Variants in RAMP1 observed in about 807,000 individuals in gnomAD.
RAMP1 encodes the protein receptor activity-modifying protein 1.
In RAMP1, 7 loss-of-function variants were observed where a neutral mutation model predicts 8.2. That is an observed-to-expected ratio of 0.85 (90% confidence interval 0.49 to 1.60). The LOEUF is 1.60. Among genes scored for constraint, RAMP1 ranks in the 40% most tolerant of loss-of-function variants. RAMP1 has a pLI of 0.00. For synonymous variants in RAMP1, 92 were observed against 84.7 expected (o/e 1.09, Z -0.47); for missense variants, 192 against 202.4 (o/e 0.95, Z 0.31).
chr2:237,871,115 C>T (rs1478283970), intron 1 of RAMP1, among the ~76,000 whole-genome samples: 2 of 152,194 alleles, frequency 1.3e-5, no homozygotes, highest in African/African-American at 4.8e-5. Flanking sequence ...TTCCTCTTCT[C>T]GCAACCGCCC....
chr2:237,894,797 G>A (rs1377047864), intron 2 of RAMP1, among the ~76,000 whole-genome samples: 1 of 152,206 alleles, frequency 6.6e-6, no homozygotes, highest in Non-Finnish European at 1.5e-5. Flanking sequence ...GGGTGAATGT[G>A]GCTCCCCGTG....
chr2:237,892,894 A>G (rs1325999756), intron 2 of RAMP1, among the ~76,000 whole-genome samples: 1 of 152,072 alleles, frequency 6.6e-6, no homozygotes, highest in African/African-American at 2.4e-5. Flanking sequence ...TGACAGTTGC[A>G]CTATTTGCAT....
At chr2:237,910,982 TACAC>T (rs2062706539) in intron 2 of RAMP1, among the ~76,000 whole-genome samples, 1 of 150,046 alleles carries the variant, frequency 6.7e-6, no homozygotes, top group Non-Finnish European at 1.5e-5. Flanking sequence ...AATAGTCACA[TACAC>T]AGTCACACAG....
intron 2 of RAMP1, among the ~76,000 whole-genome samples, chr2:237,883,224 G>A (rs919993133): frequency 6.6e-5 from 10 of 152,190 alleles, no homozygotes; most frequent in African/African-American, 2.4e-4. Context: ...GGCTGGGCCT[G>A]CAGGTATCTT....
chr2:237,877,710 G>C lies in RAMP1; in HGVS notation c.191+348G>C, dbSNP rs1202106410. 6.6e-6 allele frequency among the ~76,000 whole-genome samples: 1 copy of C among 152,182 alleles called. No homozygotes were observed. The highest frequency in any genetic ancestry group is 1.5e-5 in the Non-Finnish European group (1 of 68,012). On this transcript the variant is annotated intron_variant, in intron 2 of 2. Coordinates refer to ENST00000254661, the MANE Select transcript of RAMP1 (RefSeq NM_005855.4). This position sits in a 1 kb window ranked among gnomAD's most constrained non-coding sequence, Gnocchi z 4.4. ...CAGGGTGGCCGGGTCTCTGACTGGA[G>C]CCTGGCTTCAGGGACGTCCCTGCTG...
rs988870782 is a variant in RAMP1 at position 237,880,981 on chromosome 2, G to C, written c.191+3619G>C. On this transcript the variant is annotated intron_variant, in intron 2 of 2. Coordinates refer to ENST00000254661, the MANE Select transcript of RAMP1 (RefSeq NM_005855.4). ...AAGGTGTGTTCAGACAACTGGCATT[G>C]TCCCTCCTCCTCCTGCCCCTGCCCA... Among the ~76,000 whole-genome samples the C allele has an allele frequency of 3.3e-5, 5 of 152,288 alleles. 1 individual carries two copies. The highest frequency in any genetic ancestry group is 6.5e-5 in the Admixed American group (1 of 15,296).
chr2:237,887,683 A>G (rs1224660146), intron 2 of RAMP1, among the ~76,000 whole-genome samples: 1 of 152,228 alleles, frequency 6.6e-6, no homozygotes, highest in Non-Finnish European at 1.5e-5. Flanking sequence ...TCACACCTGC[A>G]ATCCCAGCAC....
chr2:237,863,225 C>T (rs911777868), intron 1 of RAMP1, among the ~76,000 whole-genome samples: 1 of 152,142 alleles, frequency 6.6e-6, no homozygotes, highest in African/African-American at 2.4e-5. Context: ...TACAGTGGCC[C>T]TGGTGGCTCC....
At chr2:237,872,065 A>T (rs2062251387) in intron 1 of RAMP1, among the ~76,000 whole-genome samples, 1 of 152,236 alleles carries the variant, frequency 6.6e-6, no homozygotes, top group South Asian at 2.1e-4. Context: ...AGTCACGACC[A>T]TCTTTCCACC....
chr2:237,883,371 C>T (rs1463449544), intron 2 of RAMP1, among the ~76,000 whole-genome samples: 1 of 152,224 alleles, frequency 6.6e-6, no homozygotes, highest in African/African-American at 2.4e-5. Context: ...ATGGGATACA[C>T]ACACAGGAGT....
intron 2 of RAMP1, among the ~76,000 whole-genome samples, chr2:237,889,616 CA>C (rs2062469283): frequency 6.6e-6 from 1 of 152,152 alleles, no homozygotes; most frequent in South Asian, 2.1e-4. Flanking sequence ...TTATATTTTA[CA>C]TTATGTTTTG....
At position 237,878,793 on chromosome 2, in the gene RAMP1, G is replaced by A. The variant is rs77954726; in HGVS notation, c.191+1431G>A. ...AGTAGGAAAGCATGGGGTATATGCA[G>A]GTGTGCATGCTGGGATTTAAAACAA... On this transcript the variant is annotated intron_variant, in intron 2 of 2. Coordinates refer to ENST00000254661, the MANE Select transcript of RAMP1 (RefSeq NM_005855.4). The surrounding 1 kb of genome is among the most constrained non-coding windows in gnomAD (Gnocchi z 5.7). Among the ~76,000 whole-genome samples, 874 of 152,362 alleles carry A rather than the reference G, an allele frequency of 5.7e-3. 16 individuals carry two copies. The East Asian group carries it at 0.07, about 12-fold the overall frequency.
Sources: gnomAD v4.1 joint callset for allele counts (sites outside exome capture counted in the v4.1 genomes callset) on GRCh38, gnomAD v4.1.1 for gene constraint, Gnocchi (gnomAD v3.1) non-coding constraint, MANE v1.5 for transcripts, NCBI Gene and HGNC (gene_info 2026-07-23, HGNC 2026-07-21) for gene names.